TRHDE: variants seen among roughly 807,000 people sequenced by gnomAD.
TRHDE encodes the protein thyrotropin-releasing hormone-degrading ectoenzyme.
Under a neutral mutation model 125.7 loss-of-function variants are expected in TRHDE, and 72 were observed. The ratio of observed to expected loss-of-function variants is 0.57; its 90% confidence interval spans 0.47 to 0.70. TRHDE has a LOEUF of 0.70. TRHDE is among the 30% of genes least tolerant of loss of function. The probability of loss-of-function intolerance (pLI) is 0.00; values close to 1 mark genes in which losing one functional copy is unlikely to be tolerated. For missense variants in TRHDE, 1,110 were observed against 1,327.1 expected (o/e 0.84, Z 2.54); for synonymous variants, 509 against 509.1 (o/e 1.00, Z 0.00).
chr12:72,260,229 G>A (rs577616739), intron 2 of TRHDE, among the ~76,000 whole-genome samples: 35 of 152,226 alleles, frequency 2.3e-4, no homozygotes, highest in African/African-American at 6.0e-4. Context: ...CTATTGTATA[G>A]CCTAAATTGT....
intron 1 of TRHDE, among the ~76,000 whole-genome samples, chr12:72,281,024 C>T (rs988399618): frequency 2.0e-5 from 3 of 152,012 alleles, no homozygotes; most frequent in Non-Finnish European, 4.4e-5. Flanking sequence ...TGATCAAGTA[C>T]GCAGTACTTA....
chr12:72,637,523 A>T (rs1374274886), intron 15 of TRHDE, among the ~76,000 whole-genome samples: 1 of 151,676 alleles, frequency 6.6e-6, no homozygotes, highest in East Asian at 1.9e-4. Flanking sequence ...CTCTGATTTT[A>T]GTTATTTCTT....
At chr12:72,426,183 C>A in intron 3 of TRHDE, among the ~76,000 whole-genome samples, 1 of 152,044 alleles carries the variant, frequency 6.6e-6, no homozygotes, top group Non-Finnish European at 1.5e-5. Flanking sequence ...TCTAAATAAA[C>A]ATATGTCTGA....
chr12:72,494,512 CAA>C (rs1296363430), intron 5 of TRHDE, among the ~76,000 whole-genome samples: 1 of 151,830 alleles, frequency 6.6e-6, no homozygotes, highest in Non-Finnish European at 1.5e-5. Context: ...TTTTTGGTGA[CAA>C]AGTCAAAGTA....
chr12:72,637,450 A>T (rs1229144869), intron 15 of TRHDE, among the ~76,000 whole-genome samples: 1 of 151,874 alleles, frequency 6.6e-6, no homozygotes, highest in Non-Finnish European at 1.5e-5. Flanking sequence ...CTTTCAAAAA[A>T]CCAGCTCCTG....
At chr12:72,126,692 C>T (rs893266408) in intron 2 of TRHDE, among the ~76,000 whole-genome samples, 1 of 151,976 alleles carries the variant, frequency 6.6e-6, no homozygotes, top group Non-Finnish European at 1.5e-5. Context: ...TCACCATATA[C>T]AAAAGTTAAG....
chr12:72,186,937 A>G (rs1178709287), intron 2 of TRHDE, among the ~76,000 whole-genome samples: 2 of 152,094 alleles, frequency 1.3e-5, no homozygotes, highest in Non-Finnish European at 2.9e-5. Context: ...TATCTTATCA[A>G]TTAGATGATA....
intron 2 of TRHDE, among the ~76,000 whole-genome samples, chr12:72,187,949 T>G (rs1877261155): frequency 6.6e-6 from 1 of 152,200 alleles, no homozygotes; most frequent in African/African-American, 2.4e-5. Flanking sequence ...TTATACACAT[T>G]AAACCAAGGA....
intron 12 of TRHDE, among the ~76,000 whole-genome samples, chr12:72,593,859 G>A (rs1395566539): frequency 6.6e-6 from 1 of 152,090 alleles, no homozygotes; most frequent in Non-Finnish European, 1.5e-5. Flanking sequence ...CCTTTTTTAT[G>A]GCTGCATAGT....
Position 72,366,210 on chromosome 12 carries a change from G to C in TRHDE, c.1189-11785G>C, listed in dbSNP as rs758873885. ...TTTTTGCTGTAGAAGGCAACATTAA[G>C]ATGTAGCTATCTTTGGGGGCCATCA... On this transcript the variant is annotated intron_variant, in intron 2 of 18. Coordinates refer to ENST00000261180, the MANE Select transcript of TRHDE (RefSeq NM_013381.3). Among the ~76,000 whole-genome samples the C allele has an allele frequency of 5.9e-5, 9 of 152,054 alleles. 1 individual carries two copies. Among genetic ancestry groups the C allele is most frequent in the African/African-American group, 2.2e-4 (9 of 41,390 alleles).
At position 72,515,447 on chromosome 12, in the gene TRHDE, T is replaced by C. The variant is rs543050984; in HGVS notation, c.1722+15812T>C. ...TGCATAAATGTCTTCTTTTGAGAAG[T>C]GTCTGTTCATGTCCTTTGCTCACTT... On this transcript the variant is annotated intron_variant, in intron 6 of 18. Transcript: ENST00000261180. Among the ~76,000 whole-genome samples the C allele has an allele frequency of 1.6e-3, 244 of 151,996 alleles. 2 individuals are homozygous for C. The highest frequency in any genetic ancestry group is 5.8e-3 in the African/African-American group (238 of 41,386).
At chr12:72,525,067 C>T (rs775824513) in intron 6 of TRHDE, among the ~76,000 whole-genome samples, 4 of 151,998 alleles carry the variant, frequency 2.6e-5, no homozygotes, top group Non-Finnish European at 1.5e-5. Context: ...TGCATTTATC[C>T]ATCCAAGACA....
intron 6 of TRHDE, among the ~76,000 whole-genome samples, chr12:72,531,442 A>G (rs1868550677): frequency 6.6e-6 from 1 of 151,942 alleles, no homozygotes; most frequent in South Asian, 2.1e-4. Context: ...GATGTCTTTT[A>G]TCATATAGAT....
chr12:72,390,901 A>G (rs1035243814), intron 3 of TRHDE, among the ~76,000 whole-genome samples: 1 of 152,162 alleles, frequency 6.6e-6, no homozygotes, highest in Non-Finnish European at 1.5e-5. Flanking sequence ...GTACTATTGT[A>G]ACCTGAGTGA....
At chr12:72,549,132 G>A (rs1419937863) in intron 7 of TRHDE, among the ~76,000 whole-genome samples, 3 of 151,808 alleles carry the variant, frequency 2.0e-5, no homozygotes, top group Non-Finnish European at 4.4e-5. Flanking sequence ...AAGCAAAAAG[G>A]AAATATCATT....
intron 2 of TRHDE, among the ~76,000 whole-genome samples, chr12:72,362,351 T>G (rs1449336170): frequency 6.7e-6 from 1 of 150,114 alleles, no homozygotes; most frequent in Admixed American, 6.6e-5. Context: ...TTTGGCTGCA[T>G]AAATGTCTTC....
chr12:72,650,207 C>T (rs950993224), intron 15 of TRHDE, among the ~76,000 whole-genome samples: 1 of 152,060 alleles, frequency 6.6e-6, no homozygotes, highest in African/African-American at 2.4e-5. Flanking sequence ...CTTTACAAAG[C>T]ACGACGTTTT....
At chr12:72,109,936 AG>A (rs1307474944) in intron 2 of TRHDE, among the ~76,000 whole-genome samples, 1 of 152,108 alleles carries the variant, frequency 6.6e-6, no homozygotes, top group Non-Finnish European at 1.5e-5. Context: ...ATGATGGAAA[AG>A]TCTGTAGGTA....
chr12:72,453,738 C>A (rs190731716), intron 3 of TRHDE, among the ~76,000 whole-genome samples: 78 of 152,300 alleles, frequency 5.1e-4, no homozygotes, highest in African/African-American at 1.8e-3. Context: ...AGCCCTGTTG[C>A]CCTGGGCAGC....
Sources: gnomAD v4.1 joint callset for allele counts (sites outside exome capture counted in the v4.1 genomes callset) on GRCh38, gnomAD v4.1.1 for gene constraint, MANE v1.5 for transcripts, NCBI Gene and HGNC (gene_info 2026-07-23, HGNC 2026-07-21) for gene names.